Variants in OR10R2 observed in about 807,000 individuals in gnomAD.
The protein encoded by OR10R2 is olfactory receptor 10R2.
Under a neutral mutation model 2.4 loss-of-function variants are expected in OR10R2, and 1 was observed. That is an observed-to-expected ratio of 0.41 (90% CI 0.15 to 1.95). The LOEUF (loss-of-function observed/expected upper bound fraction) is 1.95, where lower values mean the gene tolerates loss of function less well. Ranked by LOEUF, OR10R2 falls within the 30% of genes most tolerant of loss-of-function variation. The probability of loss-of-function intolerance (pLI) is 0.30; values close to 1 mark genes in which losing one functional copy is unlikely to be tolerated. For synonymous variants in OR10R2, 166 were observed against 144.8 expected, an observed-to-expected ratio of 1.15 and a Z score of -1.05; for missense variants, 419 against 373.0, an observed-to-expected ratio of 1.12 and a Z score of -1.01.
exon 2 of OR10R2, chr1:158,480,744 C>A (rs1036806870): frequency 1.9e-6 from 3 of 1,613,326 alleles, no homozygotes; most frequent in African/African-American, 2.7e-5. Flanking sequence ...ATGTGTCCAA[C>A]AAAGACAGGC....
chr1:158,472,439 T>A, intron 1 of OR10R2, 87 bp downstream of exon 1: 1 of 398,586 alleles, frequency 2.5e-6, no homozygotes. Context: ...TTTTGGGGAA[T>A]TACTTAGATT....
At chr1:158,480,849 G>A (rs775178212) in exon 2 of OR10R2, 1 of 1,578,226 alleles carries the variant, frequency 6.3e-7, no homozygotes, top group South Asian at 1.2e-5. Context: ...TCAGAAAAGT[G>A]TTGGGCAAGA....
At chr1:158,475,499 A>T (rs753219858) in intron 1 of OR10R2, among the ~76,000 whole-genome samples, 12 of 152,004 alleles carry the variant, frequency 7.9e-5, no homozygotes, top group Non-Finnish European at 1.6e-4. Context: ...AAGTTAAAAT[A>T]TATTTTTAAC....
chr1:158,477,609 TCTCTACAAGGAGAACTAAAAAACACTG>T (rs1377107386), intron 1 of OR10R2, among the ~76,000 whole-genome samples: 1 of 151,690 alleles, frequency 6.6e-6, no homozygotes, highest in African/African-American at 2.4e-5. Flanking sequence ...AGGAGAAAGG[TCTCTACAAGGAGAACTAAAAAACACTG>T]CTCAAAGAAA....
intron 1 of OR10R2, among the ~76,000 whole-genome samples, chr1:158,474,232 G>A (rs540214522): frequency 6.6e-6 from 1 of 151,828 alleles, no homozygotes; most frequent in African/African-American, 2.4e-5. Context: ...CTCTGTGTTC[G>A]CAATGCCATG....
rs781369833 is a variant in OR10R2 at position 158,480,884 on chromosome 1, G to T, written c.974G>T (p.Ter325LeuextTer6). The change falls in exon 2 of 2, where the codon TGA becomes TTA. Residue 325 changes from the stop codon to leucine, a stop_lost. Coordinates refer to ENST00000641067, the Ensembl canonical transcript of OR10R2. The stretch of plus-strand genomic sequence containing the variant: ...AAAGGTTCTCTAAAACTATATAATT[G>T]AAATATTATTACATTTTAGATTTCT... 7.2e-6 allele frequency: 9 copies of T among 1,249,532 alleles called. No homozygotes were observed. The African/African-American group carries it at 1.2e-4, about 17-fold the overall frequency. The allele number at this position is 1,249,532 out of a possible 1,614,324, so 77.4% of individuals were successfully genotyped here.
rs1656370174 is a variant in OR10R2 at position 158,480,426 on chromosome 1, TTTCAGCC to T, written c.518_524del (p.Phe173SerfsTer33). ...CCTCTCTTACAGTAGTAAATTTAGT[TTTCAGCC>T]TCCCTTTTTGTAGCGCCAACAAAGT... On this transcript the variant is annotated frameshift_variant, in exon 2 of 2. Coordinates refer to ENST00000641067, the Ensembl canonical transcript of OR10R2. LOFTEE classifies it low-confidence loss of function (END_TRUNC). The T allele has an allele frequency of 1.9e-6, 3 of 1,613,960 alleles. No homozygotes were observed. The Admixed American group carries it at 5.0e-5, about 27-fold the overall frequency.
chr1:158,476,627 T>A (rs1656277766), intron 1 of OR10R2, among the ~76,000 whole-genome samples: 1 of 152,094 alleles, frequency 6.6e-6, no homozygotes, highest in Non-Finnish European at 1.5e-5. Flanking sequence ...TCTTTAAGTA[T>A]ATAGGATAAA....
exon 2 of OR10R2, chr1:158,480,360 T>C: frequency 6.2e-7 from 1 of 1,614,124 alleles, no homozygotes; most frequent in South Asian, 1.1e-5. Flanking sequence ...GGCAGGTGTG[T>C]GGAAAACTGG....
exon 2 of OR10R2, chr1:158,480,628 G>T: frequency 6.2e-7 from 1 of 1,613,954 alleles, no homozygotes; most frequent in Non-Finnish European, 8.5e-7. Context: ...GATTCCCTCA[G>T]CTGAGGGCAG....
At chr1:158,477,988 A>G (rs1656302615) in intron 1 of OR10R2, among the ~76,000 whole-genome samples, 1 of 152,120 alleles carries the variant, frequency 6.6e-6, no homozygotes, top group Non-Finnish European at 1.5e-5. Context: ...ATAAAAAACT[A>G]AGAAAGCAAG....
chr1:158,480,301 C>A (rs138574952), exon 2 of OR10R2: 5 of 1,614,070 alleles, frequency 3.1e-6, no homozygotes, highest in South Asian at 1.1e-5. Context: ...GGGTTATGAT[C>A]GCTATGCTGC....
intron 1 of OR10R2, among the ~76,000 whole-genome samples, chr1:158,472,576 G>T (rs1447389306): frequency 6.6e-6 from 1 of 152,140 alleles, no homozygotes; most frequent in African/African-American, 2.4e-5. Context: ...TCCATAGATG[G>T]CTTGCAGAAA....
At chr1:158,473,094 G>A (rs1208648602) in intron 1 of OR10R2, among the ~76,000 whole-genome samples, 4 of 152,052 alleles carry the variant, frequency 2.6e-5, no homozygotes, top group Non-Finnish European at 2.9e-5. Flanking sequence ...TTCCTTGATC[G>A]CTTGCTGGAA....
Position 158,480,520 on chromosome 1 carries a change from A to C in OR10R2, c.610A>C (p.Asn204His), listed in dbSNP as rs1159709781. The C allele has an allele frequency of 1.9e-6, 3 of 1,613,516 alleles. No homozygotes were observed. In the African/African-American group the frequency reaches 4.0e-5, roughly 22 times the overall value. ...TCTGGCTTGTACCAACACAGATGTT[A>C]ACGAATTTGTGATATTCATTTGTGG... is the stretch of plus-strand genomic sequence containing the variant. The change falls in exon 2 of 2, where the codon AAC (asparagine) becomes CAC (histidine). Residue 204 changes from asparagine to histidine, a missense_variant. Physicochemically the swap from Asn to His is moderately conservative, Grantham distance 68. Transcript: ENST00000641067.
rs755657987 is a variant in OR10R2, at chr1:158,479,930, C to T, written c.28-8C>T. 6.2e-7 allele frequency: 1 copy of T among 1,613,894 alleles called. No individual in the cohort carries two copies. The highest frequency in any genetic ancestry group is 2.2e-5 in the East Asian group (1 of 44,874). ...CTGAATATGTTTTACTTCTTTCCCCCTTTGCAGATCTTGGCAGAAAACCTC... is the reference window on the plus strand; with the variant it reads ...CTGAATATGTTTTACTTCTTTCCCCTTTTGCAGATCTTGGCAGAAAACCTC... On this transcript the variant is annotated splice_polypyrimidine_tract_variant and splice_region_variant and intron_variant, in intron 1 of 1. Transcript: ENST00000641067.
At chr1:158,475,163 A>T (rs2101672563) in intron 1 of OR10R2, among the ~76,000 whole-genome samples, 1 of 152,298 alleles carries the variant, frequency 6.6e-6, no homozygotes. Context: ...CTTCCTCTAG[A>T]TTCCATACTG....
chr1:158,480,544 G>A lies in OR10R2; in HGVS notation c.634G>A (p.Gly212Arg), dbSNP rs771327877. The A allele has an allele frequency of 3.8e-5, 62 of 1,613,488 alleles. No homozygotes were observed. The South Asian group carries it at 5.9e-4, about 15-fold the overall frequency. The change falls in exon 2 of 2, where the codon GGA (glycine) becomes AGA (arginine). Residue 212 changes from glycine to arginine, a missense_variant. Transcript: ENST00000641067. Reference sequence around the variant, plus strand: ...TAACGAATTTGTGATATTCATTTGTGGAGTTCTTGTACTTGTGGTTCCCTT... The same window carrying A: ...TAACGAATTTGTGATATTCATTTGTAGAGTTCTTGTACTTGTGGTTCCCTT...
intron 1 of OR10R2, among the ~76,000 whole-genome samples, chr1:158,476,484 C>T (rs1413540938): frequency 1.4e-5 from 2 of 142,728 alleles, no homozygotes; most frequent in African/African-American, 5.3e-5. Context: ...GGAGGCGGAG[C>T]TTGCAGTGAG....
Sources: gnomAD v4.1 joint callset for allele counts (sites outside exome capture counted in the v4.1 genomes callset) on GRCh38, gnomAD v4.1.1 for gene constraint, MANE v1.5 for transcripts, NCBI Gene and HGNC (gene_info 2026-07-23, HGNC 2026-07-21) for gene names.